The following DNAH8 variants were observed in gnomAD, a reference collection of about 807,000 sequenced individuals.
DNAH8 encodes the protein dynein axonemal heavy chain 8.
A neutral mutation model predicts 562.1 loss-of-function variants in DNAH8; 382 were observed. The ratio of observed to expected loss-of-function variants is 0.68; its 90% CI spans 0.63 to 0.74. DNAH8 has a LOEUF of 0.74. DNAH8 is among the 30% of genes least tolerant of loss of function. The pLI is 0.00. For synonymous variants in DNAH8, 1,881 were observed against 1,919.4 expected, an observed-to-expected ratio of 0.98 and a Z score of 0.52; for missense variants, 5,203 against 5,620.4, an observed-to-expected ratio of 0.93 and a Z score of 2.37.
At chr6:38,978,536 G>A (rs151225729) in intron 85 of DNAH8, among the ~76,000 whole-genome samples, 6 of 152,276 alleles carry the variant, frequency 3.9e-5, no homozygotes, top group African/African-American at 1.2e-4. Flanking sequence ...GTGTTTCCCA[G>A]AGGTTCTGGC....
At chr6:38,936,152 C>G (rs1046951163) in intron 77 of DNAH8, 1 of 152,046 alleles carries the variant, frequency 6.6e-6, no homozygotes, top group Non-Finnish European at 1.5e-5. Context: ...AGTTTGAGAA[C>G]AGCCTGGCCA....
At chr6:38,831,444 A>G (rs936470739) in intron 30 of DNAH8, among the ~76,000 whole-genome samples, 11 of 151,610 alleles carry the variant, frequency 7.3e-5, no homozygotes, top group Non-Finnish European at 1.3e-4. Flanking sequence ...AAAAAAAAAA[A>G]AAAAAAGAAA....
At chr6:38,922,243 G>A (rs1372841752) in intron 71 of DNAH8, among the ~76,000 whole-genome samples, 1 of 151,550 alleles carries the variant, frequency 6.6e-6, no homozygotes, top group East Asian at 1.9e-4. Flanking sequence ...AAGCAGTGGT[G>A]GTCTGGTAAA....
intron 11 of DNAH8, among the ~76,000 whole-genome samples, chr6:38,766,876 A>G (rs6930268): frequency 0.24 from 36,530 of 152,070 alleles, 4,769 homozygotes; most frequent in Middle Eastern, 0.3. Context: ...TAAAACTGGA[A>G]ATACTGAACA....
chr6:38,868,128 G>A lies in DNAH8; in HGVS notation c.6760G>A (p.Ala2254Thr), dbSNP rs1777197887. 6.2e-7 allele frequency: 1 copy of A among 1,613,812 alleles called. No homozygotes were observed. Among genetic ancestry groups the A allele is most frequent in the East Asian group, 2.2e-5 (1 of 44,864 alleles). The change falls in exon 48 of 93, where the codon GCC becomes ACC. Residue 2254 changes from alanine (A) to threonine (T), a missense_variant. Physicochemically the swap from Ala to Thr is moderately conservative, Grantham distance 58. Around this residue, in one of 6 missense-constraint regions of DNAH8, gnomAD observed 2,176 missense variants for 2,365.1 expected, o/e 0.92. Transcript: ENST00000327475. The part of the protein sequence containing the change: ...VLRTLGSQKR[A>T]RPEDSELSIV... ...GAGGACTCTTGGATCTCAAAAAAGA[G>A]CCAGACCAGAAGATAGTGAATTAAG... is the stretch of plus-strand genomic sequence containing the variant.
At chr6:38,799,823 C>T (rs955028030) in intron 21 of DNAH8, among the ~76,000 whole-genome samples, 2 of 152,216 alleles carry the variant, frequency 1.3e-5, no homozygotes, top group Non-Finnish European at 2.9e-5. Flanking sequence ...ATAGACATGC[C>T]TATTCTGGAC....
rs756919169 is a variant in DNAH8 at position 38,842,482 on chromosome 6, AG to A, written c.4582del (p.Glu1528AsnfsTer41). 24 of 1,612,124 alleles carry A rather than the reference AG, an allele frequency of 1.5e-5. No individual in the cohort carries two copies. Among genetic ancestry groups the A allele is most frequent in the Non-Finnish European group, 1.8e-5 (21 of 1,179,506 alleles). ...GDVDIEKINA[E>X]LLEFQNRCRK... Reference sequence around the variant, plus strand: ...ATGTAGATATTGAAAAAATTAATGCAGAACTGCTGGAATTTCAAAACAGGTG... The same window carrying A: ...ATGTAGATATTGAAAAAATTAATGCAAACTGCTGGAATTTCAAAACAGGTG... On this transcript the variant is annotated frameshift_variant, in exon 34 of 93. Transcript: ENST00000327475. LOFTEE classifies it high-confidence loss of function.
chr6:38,781,730 C>T (rs1445334082), intron 16 of DNAH8, among the ~76,000 whole-genome samples: 3 of 152,126 alleles, frequency 2.0e-5, no homozygotes, highest in Non-Finnish European at 4.4e-5. Context: ...GCAGATAGGT[C>T]ACTGATACAT....
At chr6:38,780,674 A>T (rs2127638598) in intron 15 of DNAH8, among the ~76,000 whole-genome samples, 1 of 152,248 alleles carries the variant, frequency 6.6e-6, no homozygotes, top group East Asian at 1.9e-4. Context: ...GGAACAGTAG[A>T]CACTGGGGCC....
chr6:38,870,653 G>A, intron 49 of DNAH8, 91 bp downstream of exon 49: 1 of 1,263,376 alleles, frequency 7.9e-7, no homozygotes, highest in Non-Finnish European at 1.1e-6. Context: ...AGTCTTACTT[G>A]ATGTAAATGT....
chr6:38,805,400 C>A (rs1401771378), intron 22 of DNAH8, 81 bp from the exon 23 acceptor site: 2 of 841,182 alleles, frequency 2.4e-6, no homozygotes, highest in African/African-American at 1.7e-5. Context: ...AAAGGAACTT[C>A]CTAAGAGGAT....
intron 24 of DNAH8, among the ~76,000 whole-genome samples, chr6:38,813,254 C>T (rs2150316524): frequency 6.6e-6 from 1 of 152,296 alleles, no homozygotes; most frequent in South Asian, 2.1e-4. Context: ...TTCACTGGGA[C>T]ACTATGAATT....
intron 79 of DNAH8, 47 bp downstream of exon 79, chr6:38,939,035 T>C: frequency 6.7e-7 from 1 of 1,488,060 alleles, no homozygotes; most frequent in Non-Finnish European, 9.2e-7. Flanking sequence ...ATGTTGCTTT[T>C]GATATGCTCT....
rs765273181 is a variant in DNAH8, at chr6:38,811,346, G to A, written c.3258-2708G>A. Among the ~76,000 whole-genome samples, 5 of 152,170 alleles carry A rather than the reference G, an allele frequency of 3.3e-5. No homozygotes were observed. The East Asian group carries it at 9.6e-4, about 29-fold the overall frequency. On this transcript the variant is annotated intron_variant, in intron 24 of 92. Coordinates refer to ENST00000327475, the MANE Select transcript of DNAH8 (RefSeq NM_001206927.2). Reference sequence around the variant, plus strand: ...CACAGTGAATCTGGAACTGTCCTGGGCACACTGGACATGTGGTTATTTCAT... The same window carrying A: ...CACAGTGAATCTGGAACTGTCCTGGACACACTGGACATGTGGTTATTTCAT...
chr6:38,881,210 TA>T (rs2150461086), intron 53 of DNAH8, among the ~76,000 whole-genome samples: 1 of 152,320 alleles, frequency 6.6e-6, no homozygotes, highest in South Asian at 2.1e-4. Flanking sequence ...AAGTTAAACA[TA>T]CTCATTTTTG....
intron 70 of DNAH8, among the ~76,000 whole-genome samples, chr6:38,918,671 G>A (rs1781482155): frequency 6.6e-6 from 1 of 152,154 alleles, no homozygotes; most frequent in South Asian, 2.1e-4. Context: ...CATATGCAGA[G>A]TTTTGAGGAG....
chr6:38,805,031 G>A (rs992507725), intron 22 of DNAH8, among the ~76,000 whole-genome samples: 15 of 152,134 alleles, frequency 9.9e-5, no homozygotes, highest in African/African-American at 3.4e-4. Context: ...CACCCAAGAT[G>A]TCAGTAGTGC....
At chr6:38,848,531 T>G in intron 36 of DNAH8, 117 bp from the exon 37 acceptor site, 1 of 832,266 alleles carries the variant, frequency 1.2e-6, no homozygotes, top group South Asian at 1.8e-5. Context: ...GGAACTGCCC[T>G]TTAAGGACAA....
chr6:38,998,410 C>T (rs1224658004), intron 88 of DNAH8, among the ~76,000 whole-genome samples: 1 of 152,260 alleles, frequency 6.6e-6, no homozygotes, highest in East Asian at 1.9e-4. Context: ...AAAATGGTTG[C>T]TTATTTTCAC....
Sources: gnomAD v4.1 joint callset for allele counts (sites outside exome capture counted in the v4.1 genomes callset) on GRCh38, gnomAD v4.1.1 for gene constraint, gnomAD v4.1.1 regional missense constraint, MANE v1.5 for transcripts, NCBI Gene and HGNC (gene_info 2026-07-23, HGNC 2026-07-21) for gene names.